The following NOS1 variants were observed in gnomAD, a reference collection of about 807,000 sequenced individuals.
NOS1 encodes nitric oxide synthase 1.
NOS1 carries 51 observed loss-of-function variants against 164.5 expected under a neutral mutation model. The ratio of observed to expected loss-of-function variants is 0.31; its 90% CI spans 0.25 to 0.39. The LOEUF is 0.39. Ranked by LOEUF, NOS1 falls within the 10% of genes least tolerant of loss-of-function variation. The pLI is 1.00. For missense variants in NOS1, 1,362 were observed against 1,885.6 expected (o/e 0.72, Z 5.14); for synonymous variants, 719 against 745.8 (o/e 0.96, Z 0.59).
In NOS1 at chr12:117,209,265, T is replaced by G; in HGVS notation, c.*6044A>C. The G allele has an allele frequency of 1.0e-6, 1 of 974,374 alleles. No homozygotes were observed. The highest frequency in any genetic ancestry group is 1.2e-6 in the Non-Finnish European group (1 of 819,820). 60.4% of individuals were successfully genotyped at this position (974,374 alleles called of 1,614,324 possible). A position where few individuals can be genotyped will look rare whatever the true frequency, so the allele number is the denominator to read the frequency against. The stretch of plus-strand genomic sequence containing the variant: ...GGGCAATGTCTGATGACATACTTGA[T>G]TGTTACCGTTGGCAGGACACTGCTA... On this transcript the variant is annotated 3_prime_UTR_variant, in exon 29 of 29. Transcript: ENST00000317775.
At chr12:117,350,139 C>G (rs1876550237) in intron 1 of NOS1, among the ~76,000 whole-genome samples, 1 of 152,096 alleles carries the variant, frequency 6.6e-6, no homozygotes, top group Admixed American at 6.5e-5. Flanking sequence ...GTTTAATCTA[C>G]AACTCTCCTT....
At chr12:117,239,038 A>G (rs1869952844) in intron 20 of NOS1, among the ~76,000 whole-genome samples, 1 of 152,220 alleles carries the variant, frequency 6.6e-6, no homozygotes, top group African/African-American at 2.4e-5. Flanking sequence ...TAGTTGAAAG[A>G]CAAGGCCAAG....
At chr12:117,256,657 A>C (rs1871482366) in intron 16 of NOS1, among the ~76,000 whole-genome samples, 1 of 152,120 alleles carries the variant, frequency 6.6e-6, no homozygotes, top group South Asian at 2.1e-4. Context: ...AGACACAGGG[A>C]TCTGCTTGCT....
chr12:117,217,598 G>A (rs1352704598), intron 28 of NOS1, among the ~76,000 whole-genome samples: 1 of 152,056 alleles, frequency 6.6e-6, no homozygotes, highest in Non-Finnish European at 1.5e-5. Context: ...CTAGCTACTT[G>A]GGAGGCTGAG....
At chr12:117,255,854 A>G (rs1871397112) in intron 16 of NOS1, 1 of 781,534 alleles carries the variant, frequency 1.3e-6, no homozygotes, top group Non-Finnish European at 1.9e-6. Context: ...TGAGACCTAG[A>G]TGTGTGGCCT....
rs1869526655 is a variant in NOS1 at position 117,234,423 on chromosome 12, A to G, written c.3235+142T>C. On this transcript the variant is annotated intron_variant, in intron 21 of 28. Coordinates refer to ENST00000317775, the MANE Select transcript of NOS1 (RefSeq NM_000620.5). This position sits in a 1 kb window ranked among gnomAD's most constrained non-coding sequence, Gnocchi z 4.3. The stretch of plus-strand genomic sequence containing the variant: ...TTGATCAGTCATGAGAAAGGGGGAT[A>G]TCTTTAGTCTCATAGGCTGTTAGCA... The G allele has an allele frequency of 6.3e-6, 5 of 793,672 alleles. No individual in the cohort carries two copies. Among genetic ancestry groups the G allele is most frequent in the African/African-American group, 1.7e-5 (1 of 57,346 alleles). The allele number at this position is 793,672 out of a possible 1,614,324, so 49.2% of individuals were successfully genotyped here.
intron 11 of NOS1, among the ~76,000 whole-genome samples, chr12:117,265,936 G>A (rs1245510250): frequency 1.4e-5 from 2 of 147,950 alleles, no homozygotes; most frequent in South Asian, 2.2e-4. Flanking sequence ...GACTACAGGC[G>A]CCCGCCACCA....
At chr12:117,290,691 G>T (rs753299004) in intron 3 of NOS1, among the ~76,000 whole-genome samples, 12 of 152,058 alleles carry the variant, frequency 7.9e-5, no homozygotes, top group Admixed American at 1.3e-4. Flanking sequence ...CTCAAAGGTG[G>T]TCTCTCTGGT....
At chr12:117,346,889 T>C (rs777229327) in intron 1 of NOS1, among the ~76,000 whole-genome samples, 1 of 152,224 alleles carries the variant, frequency 6.6e-6, no homozygotes, top group Non-Finnish European at 1.5e-5. Context: ...TCAATCAGGC[T>C]CTGGTCAGAT....
At chr12:117,355,983 C>A (rs1876836790) in intron 1 of NOS1, among the ~76,000 whole-genome samples, 3 of 152,310 alleles carry the variant, frequency 2.0e-5, no homozygotes, top group Non-Finnish European at 4.4e-5. Flanking sequence ...AAACGCTGAG[C>A]TCAAACAATC....
At position 117,211,257 on chromosome 12, in the gene NOS1, C is replaced by T. The variant is rs1956523332; in HGVS notation, c.*4052G>A. The T allele has an allele frequency of 1.0e-6, 1 of 985,464 alleles. No individual in the cohort carries two copies. The highest frequency in any genetic ancestry group is 1.2e-6 in the Non-Finnish European group (1 of 829,994). The allele number at this position is 985,464 out of a possible 1,614,324, so 61.0% of individuals were successfully genotyped here. ...ACAGACATGAGCTACCGCGCCCAGC[C>T]TGCAAGATGCTTTAATTTCTCCTTT... On this transcript the variant is annotated 3_prime_UTR_variant, in exon 29 of 29. Transcript: ENST00000317775.
chr12:117,280,668 G>GGGTAAGA (rs9658363), intron 8 of NOS1, 57 bp downstream of exon 8: 9 of 1,559,490 alleles, frequency 5.8e-6, no homozygotes, highest in South Asian at 2.4e-5. Flanking sequence ...AAAAGTCTGT[G>GGGTAAGA]GTCTGGGGAC....
At chr12:117,246,604 C>CT (rs1156668635) in intron 18 of NOS1, among the ~76,000 whole-genome samples, 1 of 152,132 alleles carries the variant, frequency 6.6e-6, no homozygotes, top group African/African-American at 2.4e-5. Flanking sequence ...CACTGAAAAA[C>CT]TTTTTTATCT....
At chr12:117,247,268 T>G in intron 18 of NOS1, 80 bp downstream of exon 18, 1 of 1,217,598 alleles carries the variant, frequency 8.2e-7, no homozygotes. Flanking sequence ...AAGTTTATTC[T>G]CTTCTTGATG....
intron 3 of NOS1, among the ~76,000 whole-genome samples, chr12:117,297,226 G>A (rs988193626): frequency 1.3e-5 from 2 of 152,216 alleles, no homozygotes; most frequent in African/African-American, 4.8e-5. Context: ...GGAGGATGGT[G>A]CAATGAGGCC....
chr12:117,240,967 T>C (rs1043915522), intron 20 of NOS1, among the ~76,000 whole-genome samples: 30 of 144,930 alleles, frequency 2.1e-4, no homozygotes, highest in Admixed American at 4.3e-4. Context: ...TGAGACAGAG[T>C]CTCATTCCGT....
chr12:117,226,664 T>G lies in NOS1; in HGVS notation c.3704+19A>C. Reference sequence around the variant, plus strand: ...GCAGATTTGAGATGATTGCTCATTTTTCTCCACTTATTACTCACCCTCTCA... The same window carrying G: ...GCAGATTTGAGATGATTGCTCATTTGTCTCCACTTATTACTCACCCTCTCA... On this transcript the variant is annotated intron_variant, in intron 24 of 28. Coordinates refer to ENST00000317775, the MANE Select transcript of NOS1 (RefSeq NM_000620.5). 1.2e-6 allele frequency: 2 copies of G among 1,610,418 alleles called. No homozygotes were observed. The highest frequency in any genetic ancestry group is 1.7e-6 in the Non-Finnish European group (2 of 1,176,660).
chr12:117,330,141 T>G lies in NOS1; in HGVS notation c.725+204A>C, dbSNP rs1296872686. 6.6e-6 allele frequency among the ~76,000 whole-genome samples: 1 copy of G among 152,198 alleles called. No homozygotes were observed. The highest frequency in any genetic ancestry group is 1.9e-4 in the East Asian group (1 of 5,200). ...GGGTTTTGTGACAAGAGAAGCATCCTAGAAGCTATGCCCTGTGGCCTCTTG... is the reference window on the plus strand; with the variant it reads ...GGGTTTTGTGACAAGAGAAGCATCCGAGAAGCTATGCCCTGTGGCCTCTTG... On this transcript the variant is annotated intron_variant, in intron 2 of 28. Coordinates refer to ENST00000317775, the MANE Select transcript of NOS1 (RefSeq NM_000620.5). The surrounding 1 kb of genome is among the most constrained non-coding windows in gnomAD (Gnocchi z 4.6).
At position 117,265,777 on chromosome 12, in the gene NOS1, T is replaced by TC. The variant is rs1387966186; in HGVS notation, c.1942-268_1942-267insG. On this transcript the variant is annotated intron_variant, in intron 11 of 28. Coordinates refer to ENST00000317775, the MANE Select transcript of NOS1 (RefSeq NM_000620.5). ...TCTCTCCCATCCCACCCCCATCTTT[T>TC]TTTTCTTTCTTTCTTTCTTTTTCTT... Among the ~76,000 whole-genome samples the TC allele has an allele frequency of 2.2e-3, 338 of 151,994 alleles. 1 individual carries two copies. Among genetic ancestry groups the TC allele is most frequent in the African/African-American group, 7.7e-3 (321 of 41,460 alleles).
Sources: allele counts gnomAD v4.1 joint callset (sites outside exome capture counted in the v4.1 genomes callset), GRCh38; gene constraint gnomAD v4.1.1; non-coding constraint Gnocchi (gnomAD v3.1); transcripts MANE v1.5; gene names NCBI Gene and HGNC (gene_info 2026-07-23, HGNC 2026-07-21).